Variants in CSRNP2 observed in about 807,000 individuals in gnomAD.
The protein encoded by CSRNP2 is cysteine/serine-rich nuclear protein 2.
Under a neutral mutation model 36.6 loss-of-function variants are expected in CSRNP2, and 11 were observed. That is an observed-to-expected ratio of 0.30 (90% confidence interval 0.19 to 0.50). CSRNP2 has a LOEUF of 0.50. CSRNP2 is among the 20% of genes least tolerant of loss of function. CSRNP2 has a pLI of 0.98. For synonymous variants in CSRNP2, 248 were observed against 275.3 expected (o/e 0.90, Z 0.98); for missense variants, 483 against 691.4 (o/e 0.70, Z 3.38).
At chr12:51,069,649 CT>C (rs1938866698) in intron 3 of CSRNP2, among the ~76,000 whole-genome samples, 1 of 149,744 alleles carries the variant, frequency 6.7e-6, no homozygotes, top group Non-Finnish European at 1.5e-5. Flanking sequence ...ATCAATAATA[CT>C]GAGCGTACTA....
At chr12:51,071,702 G>A (rs1337023785) in intron 3 of CSRNP2, among the ~76,000 whole-genome samples, 4 of 152,170 alleles carry the variant, frequency 2.6e-5, no homozygotes, top group Non-Finnish European at 4.4e-5. Flanking sequence ...GCCTGGCTTC[G>A]TCCCTAGAAT....
intron 4 of CSRNP2, among the ~76,000 whole-genome samples, chr12:51,066,571 G>C (rs531066664): frequency 6.6e-6 from 1 of 151,724 alleles, no homozygotes; most frequent in Non-Finnish European, 1.5e-5. Context: ...AACCCAGGAG[G>C]TGGAGGTAGC....
intron 2 of CSRNP2, among the ~76,000 whole-genome samples, chr12:51,075,378 C>T (rs997616299): frequency 4.6e-5 from 7 of 152,176 alleles, no homozygotes; most frequent in African/African-American, 1.4e-4. Flanking sequence ...TCCCAAAGTG[C>T]TGAGATTACA....
intron 2 of CSRNP2, among the ~76,000 whole-genome samples, chr12:51,075,771 G>A (rs996368338): frequency 4.6e-5 from 7 of 152,160 alleles, no homozygotes; most frequent in African/African-American, 7.2e-5. Context: ...AAGCTTGGCC[G>A]GGCACAGTGG....
intron 1 of CSRNP2, 95 bp from the exon 2 acceptor site, chr12:51,076,742 G>T: frequency 1.6e-6 from 1 of 607,010 alleles, no homozygotes; most frequent in Non-Finnish European, 2.9e-6. Context: ...ACCTCACCTA[G>T]CACTGATGTC....
intron 3 of CSRNP2, among the ~76,000 whole-genome samples, chr12:51,071,156 AG>A (rs1939132982): frequency 6.6e-6 from 1 of 150,418 alleles, no homozygotes; most frequent in South Asian, 2.1e-4. Context: ...CAGTTGAGGG[AG>A]GCTGAGGCAC....
In CSRNP2 at chr12:51,067,018, T is replaced by C. The variant is rs111756028; in HGVS notation, c.708+655A>G. Among the ~76,000 whole-genome samples, 84 of 152,122 alleles carry C rather than the reference T, an allele frequency of 5.5e-4. No individual in the cohort carries two copies. Among genetic ancestry groups the C allele is most frequent in the African/African-American group, 2.0e-3 (82 of 41,528 alleles). ...CTAATTTTTGTATTTTTTGTAAAGA[T>C]GGGGCTTAGCCATGTTGCCCAGGCT... On this transcript the variant is annotated intron_variant, in intron 4 of 4. Transcript: ENST00000228515. This position sits in a 1 kb window ranked among gnomAD's most constrained non-coding sequence, Gnocchi z 4.1.
Position 51,072,562 on chromosome 12 carries a change from CAAAAAAAAAAAA to C in CSRNP2, c.411+1249_411+1260del, listed in dbSNP as rs71089741. Reference sequence around the variant, plus strand: ...TGGGCAACAGAGCTAGGCTCCGTCTCAAAAAAAAAAAAAAAAAAAAAAAAAAAAAAGAGTGGC... The same window carrying C: ...TGGGCAACAGAGCTAGGCTCCGTCTCAAAAAAAAAAAAAAAAAAGAGTGGC... On this transcript the variant is annotated intron_variant, in intron 3 of 4. Coordinates refer to ENST00000228515, the MANE Select transcript of CSRNP2 (RefSeq NM_030809.3). 9.5e-3 allele frequency among the ~76,000 whole-genome samples: 639 copies of C among 66,912 alleles called. 16 individuals are homozygous for C. Among genetic ancestry groups the C allele is most frequent in the African/African-American group, 0.039 (578 of 14,962 alleles). The allele number at this position is 66,912 out of a possible 152,430, so 43.9% of individuals were successfully genotyped here. A position where few individuals can be genotyped will look rare whatever the true frequency, so the allele number is the denominator to read the frequency against.
intron 1 of CSRNP2, chr12:51,081,640 T>TA (rs1939646680): frequency 6.6e-6 from 1 of 152,286 alleles, no homozygotes; most frequent in African/African-American, 2.4e-5. Context: ...GCTACATGTC[T>TA]AATGGTCTTT....
chr12:51,068,562 G>T (rs909144876), intron 3 of CSRNP2, among the ~76,000 whole-genome samples: 1 of 152,000 alleles, frequency 6.6e-6, no homozygotes, highest in Non-Finnish European at 1.5e-5. Context: ...CACCTTTCTG[G>T]GTCCAAGCTT....
chr12:51,067,392 C>T lies in CSRNP2; in HGVS notation c.708+281G>A, dbSNP rs992635862. Among the ~76,000 whole-genome samples, 5 of 152,170 alleles carry T rather than the reference C, an allele frequency of 3.3e-5. No individual in the cohort carries two copies. Among genetic ancestry groups the T allele is most frequent in the East Asian group, 3.9e-4 (2 of 5,158 alleles). On this transcript the variant is annotated intron_variant, in intron 4 of 4. Transcript: ENST00000228515. This position sits in a 1 kb window ranked among gnomAD's most constrained non-coding sequence, Gnocchi z 4.1. ...GGTCTCACTCTGTGACCCAGGCTGG[C>T]GTGCACTGGTGTGAACTCAGCTCAC...
At chr12:51,081,766 T>TA (rs1278210043) in intron 1 of CSRNP2, among the ~76,000 whole-genome samples, 7 of 152,174 alleles carry the variant, frequency 4.6e-5, no homozygotes, top group African/African-American at 1.7e-4. Context: ...ATGTATATTT[T>TA]AGTACTAGAT....
intron 1 of CSRNP2, among the ~76,000 whole-genome samples, chr12:51,077,109 C>G (rs1939433838): frequency 6.6e-6 from 1 of 151,358 alleles, no homozygotes; most frequent in South Asian, 2.1e-4. Flanking sequence ...AAGACTAGAC[C>G]CAACTATTTA....
Position 51,081,388 on chromosome 12 carries a change from A to C in CSRNP2, c.-87+1951T>G, listed in dbSNP as rs1007325147. ...TCCATACTTTCCAATTCATCAAATTAATCTTTCAAACTACAACTAGAAAAA... is the reference window on the plus strand; with the variant it reads ...TCCATACTTTCCAATTCATCAAATTCATCTTTCAAACTACAACTAGAAAAA... On this transcript the variant is annotated intron_variant, in intron 1 of 4. Transcript: ENST00000228515. 3 of 152,266 alleles carry C rather than the reference A, an allele frequency of 2.0e-5. 1 individual carries two copies. The highest frequency in any genetic ancestry group is 7.2e-5 in the African/African-American group (3 of 41,482). The allele number at this position is 152,266 out of a possible 1,614,324, so 9.4% of individuals were successfully genotyped here.
intron 3 of CSRNP2, 78 bp from the exon 4 acceptor site, chr12:51,068,047 T>A: frequency 7.2e-7 from 1 of 1,396,716 alleles, no homozygotes; most frequent in Non-Finnish European, 1.0e-6. Context: ...AGAGCAGCAC[T>A]GTCCCTTGAA....
Position 51,067,545 on chromosome 12 carries a change from TG to T in CSRNP2, c.708+127del. On this transcript the variant is annotated intron_variant, in intron 4 of 4. Coordinates refer to ENST00000228515, the MANE Select transcript of CSRNP2 (RefSeq NM_030809.3). This position sits in a 1 kb window ranked among gnomAD's most constrained non-coding sequence, Gnocchi z 4.1. ...TTACTCTGTTGACGGAGGAGGGTTG[TG>T]GAACTGGAGAGTGTTCACAACCATA... 1.2e-6 allele frequency: 1 copy of T among 848,728 alleles called. No individual in the cohort carries two copies. The highest frequency in any genetic ancestry group is 1.8e-6 in the Non-Finnish European group (1 of 543,448). The allele number at this position is 848,728 out of a possible 1,614,324, so 52.6% of individuals were successfully genotyped here. A position where few individuals can be genotyped will look rare whatever the true frequency, so the allele number is the denominator to read the frequency against.
At position 51,063,751 on chromosome 12, in the gene CSRNP2, C is replaced by T. The variant is rs1240219735; in HGVS notation, c.1627G>A (p.Val543Met). The change falls in exon 5 of 5, where the codon GTG becomes ATG. Residue 543 changes from valine to methionine, a missense_variant. By Grantham distance (21) the Val-to-Met change is conservative. Transcript: ENST00000228515. The stretch of plus-strand genomic sequence containing the variant: ...GGCAGGACCTCTAGCGCCTGTCACA[C>T]TGCCAGAGGGAGTTCTAAGGAAGAA... ...EDSSLELPLAV is the reference protein window; with the variant it reads ...EDSSLELPLAM The T allele has an allele frequency of 5.2e-6, 8 of 1,542,072 alleles. No individual in the cohort carries two copies. The highest frequency in any genetic ancestry group is 7.0e-6 in the Non-Finnish European group (8 of 1,144,254).
In CSRNP2 at chr12:51,064,223, C is replaced by CAG. The variant is rs1362239804; in HGVS notation, c.1153_1154dup (p.Pro386CysfsTer22). 4 of 1,613,632 alleles carry CAG rather than the reference C, an allele frequency of 2.5e-6. No homozygotes were observed. Among genetic ancestry groups the CAG allele is most frequent in the Non-Finnish European group, 3.4e-6 (4 of 1,179,830 alleles). ...AACACAGGACAGAGGAGCCTGGGGGCAGCTGAGCCTGGATGAGAATGGGGG... is the reference window on the plus strand; with the variant it reads ...AACACAGGACAGAGGAGCCTGGGGGCAGAGCTGAGCCTGGATGAGAATGGGGG... On this transcript the variant is annotated frameshift_variant, in exon 5 of 5. Coordinates refer to ENST00000228515, the MANE Select transcript of CSRNP2 (RefSeq NM_030809.3). LOFTEE classifies it high-confidence loss of function.
At chr12:51,064,741 T>C in intron 4 of CSRNP2, 72 bp from the exon 5 acceptor site, 1 of 1,339,846 alleles carries the variant, frequency 7.5e-7, no homozygotes, top group Non-Finnish European at 1.0e-6. Flanking sequence ...AGACATGAGC[T>C]GGCAAACAGG....
Sources: allele counts gnomAD v4.1 joint callset (sites outside exome capture counted in the v4.1 genomes callset), GRCh38; gene constraint gnomAD v4.1.1; non-coding constraint Gnocchi (gnomAD v3.1); transcripts MANE v1.5; gene names NCBI Gene and HGNC (gene_info 2026-07-23, HGNC 2026-07-21).